ANK3: variants seen among roughly 807,000 people sequenced by gnomAD.
ANK3 encodes the protein ankyrin 3.
ANK3 carries 57 observed loss-of-function variants against 370.9 expected under a neutral mutation model. The ratio of observed to expected loss-of-function variants is 0.15; its 90% CI spans 0.12 to 0.19. The LOEUF is 0.19. Among genes scored for constraint, ANK3 ranks in the 10% least tolerant of loss-of-function variants. The pLI is 1.00. For synonymous variants in ANK3, 1,929 were observed against 1,946.3 expected (o/e 0.99, Z 0.23); for missense variants, 4,439 against 5,302.1 (o/e 0.84, Z 5.06).
intron 4 of ANK3, among the ~76,000 whole-genome samples, chr10:60,274,327 T>C (rs1033666538): frequency 6.6e-6 from 1 of 152,178 alleles, no homozygotes; most frequent in Non-Finnish European, 1.5e-5. Flanking sequence ...GAGTGTTTCA[T>C]GGTGGAAATT....
chr10:60,092,025 G>A (rs993723861), intron 28 of ANK3, among the ~76,000 whole-genome samples: 1 of 152,152 alleles, frequency 6.6e-6, no homozygotes, highest in African/African-American at 2.4e-5. Context: ...CACCGCGCCA[G>A]GCTACGTTTG....
intron 28 of ANK3, among the ~76,000 whole-genome samples, chr10:60,100,587 G>C (rs1565003869): frequency 6.6e-6 from 1 of 152,084 alleles, no homozygotes; most frequent in African/African-American, 2.4e-5. Flanking sequence ...TAAAACAATA[G>C]TGTAACTATT....
intron 2 of ANK3, among the ~76,000 whole-genome samples, chr10:60,567,686 G>A (rs1003246709): frequency 6.6e-6 from 1 of 152,132 alleles, no homozygotes; most frequent in African/African-American, 2.4e-5. Context: ...TGTCTGATGG[G>A]TCTGAGCAAA....
At chr10:60,586,052 A>AC (rs1018620346) in intron 2 of ANK3, among the ~76,000 whole-genome samples, 39 of 151,106 alleles carry the variant, frequency 2.6e-4, no homozygotes, top group Middle Eastern at 3.4e-3. Context: ...AAACAAACAA[A>AC]AAAAAGACTT....
intron 2 of ANK3, among the ~76,000 whole-genome samples, chr10:60,577,228 T>G (rs2077694461): frequency 2.6e-5 from 4 of 152,206 alleles, no homozygotes; most frequent in Admixed American, 1.3e-4. Flanking sequence ...TGTAGTTAGT[T>G]CCACCACATC....
At chr10:60,314,531 G>C (rs529953979) in intron 1 of ANK3, among the ~76,000 whole-genome samples, 5 of 152,300 alleles carry the variant, frequency 3.3e-5, no homozygotes, top group Admixed American at 2.0e-4. Context: ...CTGGGAATCT[G>C]TGTTATATGA....
At chr10:60,601,173 G>GCACACA (rs55896952) in intron 2 of ANK3, among the ~76,000 whole-genome samples, 18,124 of 147,594 alleles carry the variant, frequency 0.12, 1,434 homozygotes, top group East Asian at 0.26. Context: ...TTTATACAAC[G>GCACACA]CACACACACA....
chr10:60,035,941 C>T (rs1341802735), intron 43 of ANK3, among the ~76,000 whole-genome samples: 1 of 151,510 alleles, frequency 6.6e-6, no homozygotes, highest in East Asian at 1.9e-4. Flanking sequence ...ATATGAATTC[C>T]GGTAAAATAT....
intron 13 of ANK3, among the ~76,000 whole-genome samples, chr10:60,199,192 C>T (rs2096634504): frequency 6.6e-6 from 1 of 152,132 alleles, no homozygotes; most frequent in Non-Finnish European, 1.5e-5. Context: ...GTGGGAGGCG[C>T]AAATCATCTT....
intron 1 of ANK3, among the ~76,000 whole-genome samples, chr10:60,617,782 G>A (rs1027384001): frequency 1.3e-5 from 2 of 152,132 alleles, no homozygotes; most frequent in South Asian, 4.1e-4. Context: ...TCTTTACACA[G>A]GCCCAACTCA....
chr10:60,242,577 G>A (rs75029243), intron 7 of ANK3, among the ~76,000 whole-genome samples: 3,388 of 152,166 alleles, frequency 0.022, 114 homozygotes, highest in African/African-American at 0.074. Flanking sequence ...GGAATGAGAA[G>A]ACAAGGCCCC....
At chr10:60,045,469 G>C (rs1453882087) in intron 42 of ANK3, among the ~76,000 whole-genome samples, 2 of 152,142 alleles carry the variant, frequency 1.3e-5, no homozygotes, top group Admixed American at 1.3e-4. Flanking sequence ...AGCAGAAGTA[G>C]GACCATATCT....
chr10:60,697,393 G>GA (rs1256558701), intron 1 of ANK3, among the ~76,000 whole-genome samples: 1 of 150,976 alleles, frequency 6.6e-6, no homozygotes, highest in South Asian at 2.1e-4. Context: ...CACAGAATTG[G>GA]AAAAAACTAC....
At chr10:60,065,999 TA>T (rs201356639) in intron 38 of ANK3, among the ~76,000 whole-genome samples, 12 of 152,252 alleles carry the variant, frequency 7.9e-5, no homozygotes, top group Non-Finnish European at 1.3e-4. Flanking sequence ...GTTCTTGTTT[TA>T]AAAAAAGCAC....
Position 60,064,162 on chromosome 10 carries a change from G to C in ANK3, c.12446C>G (p.Ala4149Gly). 6.4e-7 allele frequency: 1 copy of C among 1,553,338 alleles called. No individual in the cohort carries two copies. ...KKWVTRDGKN[A>G]TTDALTSVLT... is the part of the protein sequence containing the mutation. Reference sequence around the variant, plus strand: ...ATAATATAATTTCGGCATACTTGTGGCATTTTTTCCGTCTCTGGTAACCCA... The same window carrying C: ...ATAATATAATTTCGGCATACTTGTGCCATTTTTTCCGTCTCTGGTAACCCA... Residue 4149 changes from alanine (A) to glycine (G), a missense_variant, in exon 39 of 44, where the codon GCC becomes GGC. This residue lies in a region of ANK3 where 99 missense variants were observed against 150.7 expected (regional missense o/e 0.66). Transcript: ENST00000280772.
chr10:60,232,901 T>C (rs2097268279), intron 8 of ANK3, among the ~76,000 whole-genome samples: 1 of 152,156 alleles, frequency 6.6e-6, no homozygotes, highest in African/African-American at 2.4e-5. Context: ...ATCAAAGCAC[T>C]ACAGAAATTA....
chr10:60,692,956 A>C (rs1229945041), intron 1 of ANK3, among the ~76,000 whole-genome samples: 1 of 152,240 alleles, frequency 6.6e-6, no homozygotes, highest in Non-Finnish European at 1.5e-5. Flanking sequence ...TTAAGATTAT[A>C]ATAGGGGTGA....
chr10:60,403,681 G>A (rs10994330), intron 2 of ANK3, among the ~76,000 whole-genome samples: 36,049 of 152,052 alleles, frequency 0.24, 5,256 homozygotes, highest in Middle Eastern at 0.43. Flanking sequence ...TCCACCTCCC[G>A]GGTTCACACC....
intron 25 of ANK3, among the ~76,000 whole-genome samples, chr10:60,117,924 C>CT (rs1355931962): frequency 6.6e-6 from 1 of 152,102 alleles, no homozygotes; most frequent in African/African-American, 2.4e-5. Context: ...TAAATTACAA[C>CT]TGTTTGCGGA....
Sources: allele counts gnomAD v4.1 joint callset (sites outside exome capture counted in the v4.1 genomes callset), GRCh38; gene constraint gnomAD v4.1.1; regional missense constraint gnomAD v4.1.1; transcripts MANE v1.5; gene names NCBI Gene and HGNC (gene_info 2026-07-23, HGNC 2026-07-21).